The following CCDC171 variants were observed in gnomAD, a reference collection of about 807,000 sequenced individuals.
CCDC171 encodes coiled-coil domain-containing protein 171.
Under a neutral mutation model 168.2 loss-of-function variants are expected in CCDC171, and 177 were observed. The ratio of observed to expected loss-of-function variants is 1.05; its 90% CI spans 0.93 to 1.19. CCDC171 has a LOEUF of 1.19. Among genes scored for constraint, CCDC171 ranks in the 50% most tolerant of loss-of-function variants. CCDC171 has a pLI of 0.00. For missense variants in CCDC171, 1,991 were observed against 1,539.0 expected, an observed-to-expected ratio of 1.29 and a Z score of -4.91; for synonymous variants, 687 against 540.8, an observed-to-expected ratio of 1.27 and a Z score of -3.75.
intron 18 of CCDC171, among the ~76,000 whole-genome samples, chr9:15,767,912 T>A (rs1232629037): frequency 8.2e-6 from 1 of 122,444 alleles, no homozygotes; most frequent in East Asian, 2.6e-4. Flanking sequence ...TTTTTTAATT[T>A]TTAGTAGAGA....
chr9:15,729,426 C>T (rs961176275), intron 15 of CCDC171, among the ~76,000 whole-genome samples, 184 bp from the exon 16 acceptor site: 5 of 152,004 alleles, frequency 3.3e-5, no homozygotes, highest in Non-Finnish European at 5.9e-5. Flanking sequence ...TTTCTGCTAA[C>T]GTGTGGCAGT....
intron 6 of CCDC171, among the ~76,000 whole-genome samples, chr9:15,619,309 C>G (rs999790283): frequency 6.6e-6 from 1 of 152,160 alleles, no homozygotes; most frequent in African/African-American, 2.4e-5. Flanking sequence ...GTCTTTAGTG[C>G]CGAACAGCCA....
chr9:15,871,099 TC>T (rs946439440), intron 23 of CCDC171, among the ~76,000 whole-genome samples: 1 of 151,642 alleles, frequency 6.6e-6, no homozygotes, highest in Non-Finnish European at 1.5e-5. Flanking sequence ...AACTGTTCTT[TC>T]TAAAAATCAA....
intron 24 of CCDC171, among the ~76,000 whole-genome samples, chr9:15,877,929 T>C (rs1818074728): frequency 6.6e-6 from 1 of 152,048 alleles, no homozygotes; most frequent in Non-Finnish European, 1.5e-5. Context: ...CAATAAATAA[T>C]AATTAAACAG....
At chr9:15,725,035 C>T in intron 14 of CCDC171, 59 bp downstream of exon 14, 2 of 1,191,598 alleles carry the variant, frequency 1.7e-6, no homozygotes, top group Non-Finnish European at 2.5e-6. Flanking sequence ...CAGTGTTATA[C>T]ATCAAGTGAC....
chr9:15,734,177 G>C (rs749374423), intron 16 of CCDC171, among the ~76,000 whole-genome samples: 2 of 152,170 alleles, frequency 1.3e-5, no homozygotes, highest in Non-Finnish European at 2.9e-5. Flanking sequence ...TAATACCTTA[G>C]TCTTTGACCC....
the CCDC171 span, among the ~76,000 whole-genome samples, chr9:16,070,492 G>A: frequency 6.6e-6 from 1 of 152,288 alleles, no homozygotes; most frequent in South Asian, 2.1e-4. Flanking sequence ...GTTGGGCCTG[G>A]GGGCCCAGCA....
At position 15,723,687 on chromosome 9, in the gene CCDC171, G is replaced by A. The variant is rs780250149; in HGVS notation, c.1432G>A (p.Ala478Thr). The A allele has an allele frequency of 6.3e-6, 10 of 1,592,742 alleles. No homozygotes were observed. In the African/African-American group the frequency reaches 6.8e-5, roughly 11 times the overall value. ...KLEDASNEEK[A>T]CNELDSTKQK... Reference sequence around the variant, plus strand: ...CAGCATGAATGATGTTAAGGAAAAGGCATGTAATGAACTTGATTCTACGAA... The same window carrying A: ...CAGCATGAATGATGTTAAGGAAAAGACATGTAATGAACTTGATTCTACGAA... The change falls in exon 13 of 26, where the codon GCA becomes ACA. Residue 478 changes from alanine (A) to threonine (T), a missense_variant. Physicochemically the swap from Ala to Thr is moderately conservative, Grantham distance 58 (BLOSUM62 0). Transcript: ENST00000380701.
intron 3 of CCDC171, among the ~76,000 whole-genome samples, chr9:16,013,488 C>T (rs1832929341): frequency 1.3e-5 from 2 of 152,230 alleles, no homozygotes; most frequent in African/African-American, 4.8e-5. Context: ...CACTTCTCTT[C>T]CCACCTTCCT....
rs1017205589 is a variant in CCDC171, at chr9:15,880,961, T to G, written c.3600+6298T>G. ...ATAGTTCATCTGAGAATAAACGAAT[T>G]TGATGGAAAAATACCATCCTTTGTC... On this transcript the variant is annotated intron_variant, in intron 24 of 25. Transcript: ENST00000380701. Among the ~76,000 whole-genome samples the G allele has an allele frequency of 2.0e-5, 3 of 152,334 alleles. No individual in the cohort carries two copies. The East Asian group carries it at 5.8e-4, about 29-fold the overall frequency.
At chr9:16,092,197 GC>G in the CCDC171 span, among the ~76,000 whole-genome samples, 1 of 152,208 alleles carries the variant, frequency 6.6e-6, no homozygotes, top group Non-Finnish European at 1.5e-5. Context: ...ATTCCCTAAA[GC>G]CTGGAATGTC....
At chr9:15,658,237 T>A (rs2048079156) in intron 8 of CCDC171, among the ~76,000 whole-genome samples, 1 of 152,152 alleles carries the variant, frequency 6.6e-6, no homozygotes, top group East Asian at 1.9e-4. Context: ...ATTATGGAAG[T>A]CCTTTTTCGT....
At chr9:16,088,734 A>C in the CCDC171 span, among the ~76,000 whole-genome samples, 7 of 152,250 alleles carry the variant, frequency 4.6e-5, no homozygotes, top group Non-Finnish European at 1.5e-5. Context: ...ATGGAAAAAC[A>C]TTCCATGCTC....
chr9:16,077,140 G>A, the CCDC171 span, among the ~76,000 whole-genome samples: 1 of 152,130 alleles, frequency 6.6e-6, no homozygotes, highest in Middle Eastern at 3.2e-3. Flanking sequence ...TTCCCAGCCT[G>A]GTGGAAAGCT....
At chr9:15,903,548 C>T (rs948270415) in intron 24 of CCDC171, among the ~76,000 whole-genome samples, 2 of 152,062 alleles carry the variant, frequency 1.3e-5, no homozygotes, top group African/African-American at 2.4e-5. Context: ...CATCAAAGAC[C>T]AAAGGTAGAT....
intron 11 of CCDC171, among the ~76,000 whole-genome samples, chr9:15,698,193 C>T (rs1159288750): frequency 2.0e-5 from 3 of 152,304 alleles, no homozygotes; most frequent in South Asian, 4.1e-4. Context: ...CTCTCTACCT[C>T]TGTGAGATCT....
At chr9:15,732,848 T>G (rs564631915) in intron 16 of CCDC171, among the ~76,000 whole-genome samples, 1 of 152,282 alleles carries the variant, frequency 6.6e-6, no homozygotes, top group African/African-American at 2.4e-5. Context: ...TATATTTATA[T>G]GGTTATATGG....
chr9:16,081,267 C>T, the CCDC171 span, among the ~76,000 whole-genome samples: 1 of 152,150 alleles, frequency 6.6e-6, no homozygotes, highest in Non-Finnish European at 1.5e-5. Flanking sequence ...CCCAATGCAG[C>T]CCAATAACTC....
chr9:15,782,535 C>T (rs554443412), intron 20 of CCDC171, among the ~76,000 whole-genome samples: 1 of 152,248 alleles, frequency 6.6e-6, no homozygotes, highest in East Asian at 1.9e-4. Context: ...TCTGTTAAAA[C>T]AAGGAAGTCC....
Sources: allele counts gnomAD v4.1 joint callset (sites outside exome capture counted in the v4.1 genomes callset), GRCh38; gene constraint gnomAD v4.1.1; transcripts MANE v1.5; gene names NCBI Gene and HGNC (gene_info 2026-07-23, HGNC 2026-07-21).